ALK: variants seen among roughly 807,000 people sequenced by gnomAD.
ALK encodes ALK tyrosine kinase receptor.
A neutral mutation model predicts 163.1 loss-of-function variants in ALK; 74 were observed. That is an observed-to-expected ratio of 0.45 (90% confidence interval 0.38 to 0.55). ALK has a LOEUF of 0.55. Among genes scored for constraint, ALK ranks in the 20% least tolerant of loss-of-function variants. The pLI, the probability that ALK is intolerant of heterozygous loss-of-function variation, is 0.00. For synonymous variants in ALK, 960 were observed against 843.2 expected (o/e 1.14, Z -2.40); for missense variants, 2,063 against 2,105.3 (o/e 0.98, Z 0.39).
At chr2:29,711,295 ACTCTT>A (rs1248096116) in intron 2 of ALK, among the ~76,000 whole-genome samples, 1 of 151,772 alleles carries the variant, frequency 6.6e-6, no homozygotes, top group Non-Finnish European at 1.5e-5. Context: ...TGTCCAGAAC[ACTCTT>A]CTCCTGACTC....
chr2:29,611,544 C>T (rs751659139), intron 3 of ALK, among the ~76,000 whole-genome samples: 2 of 152,120 alleles, frequency 1.3e-5, no homozygotes, highest in African/African-American at 4.8e-5. Context: ...TGAACTCTTA[C>T]CTTAAGGAAA....
intron 1 of ALK, among the ~76,000 whole-genome samples, chr2:29,723,350 T>TC (rs1679475305): frequency 6.6e-6 from 1 of 152,198 alleles, no homozygotes; most frequent in Non-Finnish European, 1.5e-5. Context: ...TCTGTCCAGG[T>TC]CCCTGTCCAT....
intron 4 of ALK, among the ~76,000 whole-genome samples, chr2:29,416,775 C>A (rs1217905402): frequency 6.6e-6 from 1 of 152,150 alleles, no homozygotes; most frequent in African/African-American, 2.4e-5. Flanking sequence ...GACTCCCCAA[C>A]CAATAGCTAC....
intron 1 of ALK, among the ~76,000 whole-genome samples, chr2:29,742,182 T>C (rs940666246): frequency 3.3e-5 from 5 of 152,256 alleles, no homozygotes; most frequent in African/African-American, 1.2e-4. Flanking sequence ...CAAGGCCCTC[T>C]TTCTGGAGGG....
At chr2:29,677,175 GT>G in intron 3 of ALK, among the ~76,000 whole-genome samples, 1 of 149,326 alleles carries the variant, frequency 6.7e-6, no homozygotes, top group African/African-American at 2.5e-5. Context: ...ATATCTGCAT[GT>G]TTTTGGTTCT....
rs138041817 is a variant in ALK at position 29,389,276 on chromosome 2, G to A, written c.1155-5417C>T. Among the ~76,000 whole-genome samples, 758 of 152,334 alleles carry A rather than the reference G, an allele frequency of 5.0e-3. 4 individuals carry two copies. Among genetic ancestry groups the A allele is most frequent in the Non-Finnish European group, 7.9e-3 (539 of 68,036 alleles). On this transcript the variant is annotated intron_variant, in intron 4 of 28. Transcript: ENST00000389048. The stretch of plus-strand genomic sequence containing the variant: ...TGAGTGAGAGGTGTAGGCACCATAT[G>A]CTATTAAAGCCGAGGCCAAAGTGAT...
At chr2:29,716,788 G>A (rs1461918071) in intron 2 of ALK, among the ~76,000 whole-genome samples, 1 of 151,980 alleles carries the variant, frequency 6.6e-6, no homozygotes, top group African/African-American at 2.4e-5. Flanking sequence ...ACTTTAAGGA[G>A]CTTCTTAACT....
At chr2:29,766,232 G>T (rs1680859018) in intron 1 of ALK, among the ~76,000 whole-genome samples, 1 of 152,140 alleles carries the variant, frequency 6.6e-6, no homozygotes, top group South Asian at 2.1e-4. Context: ...TCAGAAATCT[G>T]GTTCTTGCCT....
chr2:29,563,012 T>C (rs1674071411), intron 3 of ALK, among the ~76,000 whole-genome samples: 2 of 152,206 alleles, frequency 1.3e-5, no homozygotes. Context: ...GAATTGAAGC[T>C]GCTCCTTATG....
At chr2:29,257,261 C>T (rs572987428) in intron 11 of ALK, among the ~76,000 whole-genome samples, 103 of 151,882 alleles carry the variant, frequency 6.8e-4, no homozygotes, top group African/African-American at 2.4e-3. Context: ...AAAGAACTGC[C>T]TTATCTCATT....
At position 29,861,404 on chromosome 2, in the gene ALK, T is replaced by C. The variant is rs148683915; in HGVS notation, c.667+58589A>G. 2.2e-3 allele frequency among the ~76,000 whole-genome samples: 334 copies of C among 151,950 alleles called. 4 individuals carry two copies. The highest frequency in any genetic ancestry group is 7.7e-3 in the African/African-American group (319 of 41,464). ...AAACAGAATCAACAGATCTTTACTA[T>C]GAAAAAAGAGAAGACTCAAATAAAA... On this transcript the variant is annotated intron_variant, in intron 1 of 28. Coordinates refer to ENST00000389048, the MANE Select transcript of ALK (RefSeq NM_004304.5).
intron 11 of ALK, among the ~76,000 whole-genome samples, chr2:29,264,088 C>T (rs1489088507): frequency 6.6e-6 from 1 of 152,254 alleles, no homozygotes; most frequent in East Asian, 1.9e-4. Context: ...ACGTGGCCTT[C>T]TGCCTGACTT....
At chr2:29,580,459 T>A (rs1015140613) in intron 3 of ALK, among the ~76,000 whole-genome samples, 2 of 152,084 alleles carry the variant, frequency 1.3e-5, no homozygotes, top group African/African-American at 4.8e-5. Context: ...AACCAAAGCG[T>A]AGGATTTCAG....
chr2:29,356,491 G>T (rs942939029), intron 5 of ALK, among the ~76,000 whole-genome samples: 2 of 151,866 alleles, frequency 1.3e-5, no homozygotes, highest in African/African-American at 4.8e-5. Context: ...GGAAGAAACT[G>T]TTAGAAAATT....
chr2:29,358,878 A>C (rs888106325), intron 5 of ALK, among the ~76,000 whole-genome samples: 2 of 152,162 alleles, frequency 1.3e-5, no homozygotes, highest in African/African-American at 2.4e-5. Context: ...GTGAGGACCA[A>C]CAATTCCCTA....
At chr2:29,850,613 A>G (rs1665965918) in intron 1 of ALK, among the ~76,000 whole-genome samples, 1 of 152,100 alleles carries the variant, frequency 6.6e-6, no homozygotes, top group Admixed American at 6.5e-5. Context: ...CTTGGCCACA[A>G]CCTCAAGGAT....
At chr2:29,851,089 C>T (rs567275122) in intron 1 of ALK, among the ~76,000 whole-genome samples, 1 of 152,322 alleles carries the variant, frequency 6.6e-6, no homozygotes, top group African/African-American at 2.4e-5. Context: ...TATTCAAAGA[C>T]TTCCCCAATA....
intron 4 of ALK, among the ~76,000 whole-genome samples, chr2:29,430,221 C>A (rs571145055): frequency 5.9e-5 from 9 of 152,104 alleles, no homozygotes; most frequent in African/African-American, 1.9e-4. Context: ...AAATTTTAAA[C>A]CTTGTTGCTT....
chr2:29,302,904 TCAAAC>T, intron 8 of ALK, among the ~76,000 whole-genome samples: 1 of 152,196 alleles, frequency 6.6e-6, no homozygotes, highest in South Asian at 2.1e-4. Flanking sequence ...ATGTAAGACA[TCAAAC>T]TATAAAAATC....
Sources: allele counts gnomAD v4.1 joint callset (sites outside exome capture counted in the v4.1 genomes callset), GRCh38; gene constraint gnomAD v4.1.1; transcripts MANE v1.5; gene names NCBI Gene and HGNC (gene_info 2026-07-23, HGNC 2026-07-21).